JADE3: variants seen among roughly 807,000 people sequenced by gnomAD.
JADE3 encodes the protein protein Jade-3.
Under a neutral mutation model 50.1 loss-of-function variants are expected in JADE3, and 2 were observed. That is an observed-to-expected ratio of 0.04 (90% CI 0.02 to 0.13). JADE3 has a LOEUF of 0.13. JADE3 is among the 10% of genes least tolerant of loss of function. The pLI is 1.00. For missense variants in JADE3, 475 were observed against 634.4 expected, an observed-to-expected ratio of 0.75 and a Z score of 2.70; for synonymous variants, 218 against 232.9, an observed-to-expected ratio of 0.94 and a Z score of 0.58.
At chrX:46,982,275 A>G (rs1230094191) in intron 1 of JADE3, among the ~76,000 whole-genome samples, 1 of 110,974 alleles carries the variant, frequency 9.0e-6, no homozygotes, top group Non-Finnish European at 1.9e-5. Context: ...TTTTCATTTC[A>G]ATTGTGCTTT....
At chrX:46,938,032 T>C (rs1389344552) in intron 1 of JADE3, among the ~76,000 whole-genome samples, 4 of 111,760 alleles carry the variant, frequency 3.6e-5, no homozygotes, top group African/African-American at 6.5e-5. Flanking sequence ...TTGCATCACA[T>C]ATCTTTTTCC....
At chrX:46,950,350 G>T (rs1193204761) in intron 1 of JADE3, among the ~76,000 whole-genome samples, 1 of 112,315 alleles carries the variant, frequency 8.9e-6, no homozygotes, top group African/African-American at 3.2e-5. Flanking sequence ...TTCTGCCATT[G>T]TAGATGTGGA....
At chrX:46,958,301 A>G (rs73201906) in intron 1 of JADE3, among the ~76,000 whole-genome samples, 27,143 of 111,600 alleles carry the variant, frequency 0.24, 3,104 homozygotes, top group Middle Eastern at 0.39. Flanking sequence ...GTGACTTTAC[A>G]TATGTTCTAG....
chrX:46,994,744 T>G (rs868920036), intron 3 of JADE3, among the ~76,000 whole-genome samples: 25 of 111,881 alleles, frequency 2.2e-4, no homozygotes, highest in African/African-American at 8.1e-4. Context: ...AGAGAAGAAC[T>G]CAGTTATATA....
chrX:47,021,956 C>CTA (rs1261291160), intron 4 of JADE3, among the ~76,000 whole-genome samples: 1 of 112,016 alleles, frequency 8.9e-6, no homozygotes, highest in Non-Finnish European at 1.9e-5. Flanking sequence ...CAGTCTCTTC[C>CTA]TTTATGGTTA....
At chrX:46,950,229 A>T (rs782171539) in intron 1 of JADE3, among the ~76,000 whole-genome samples, 1 of 112,408 alleles carries the variant, frequency 8.9e-6, no homozygotes, top group South Asian at 3.7e-4. Flanking sequence ...TTGTGCAACC[A>T]TCTCCATAAC....
rs149918003 is a variant in JADE3, at chrX:46,986,242, A to G, written c.126+450A>G. Among the ~76,000 whole-genome samples the G allele has an allele frequency of 2.6e-3, 288 of 112,286 alleles. 1 individual carries two copies. The highest frequency in any genetic ancestry group is 8.8e-3 in the African/African-American group (271 of 30,914). ...TAGCAATACTAAATAAACTAAGACA[A>G]CTTTTAAAAATATAAATGTCTGCCT... On this transcript the variant is annotated intron_variant, in intron 3 of 10. Transcript: ENST00000614628.
At chrX:46,977,536 A>G (rs782070883) in intron 1 of JADE3, among the ~76,000 whole-genome samples, 1 of 112,411 alleles carries the variant, frequency 8.9e-6, no homozygotes, top group Non-Finnish European at 1.9e-5. Context: ...TAGGTATACA[A>G]TATAGTATTG....
At chrX:46,983,600 A>T (rs1451006216) in intron 1 of JADE3, among the ~76,000 whole-genome samples, 1 of 111,494 alleles carries the variant, frequency 9.0e-6, no homozygotes, top group African/African-American at 3.3e-5. Context: ...GAGCTGGGGT[A>T]GAAGGAACCC....
chrX:47,023,765 G>C (rs782115410), intron 4 of JADE3, among the ~76,000 whole-genome samples: 2 of 111,875 alleles, frequency 1.8e-5, no homozygotes, highest in South Asian at 3.8e-4. Flanking sequence ...AAATTAGCTG[G>C]GCGTGGTGGC....
At chrX:46,974,404 CA>C (rs1267918121) in intron 1 of JADE3, among the ~76,000 whole-genome samples, 10 of 100,294 alleles carry the variant, frequency 1.0e-4, no homozygotes, top group East Asian at 3.0e-4. Context: ...GACTCTGTCT[CA>C]AAAAAAAAAA....
intron 1 of JADE3, among the ~76,000 whole-genome samples, chrX:46,983,165 G>A (rs138403650): frequency 7.9e-4 from 89 of 112,223 alleles, no homozygotes; most frequent in African/African-American, 2.8e-3. Flanking sequence ...ATATTAGGCA[G>A]CCTAGGCTTG....
At chrX:46,921,145 T>G (rs1926212078) in intron 1 of JADE3, among the ~76,000 whole-genome samples, 1 of 111,944 alleles carries the variant, frequency 8.9e-6, no homozygotes, top group Non-Finnish European at 1.9e-5. Context: ...GGCCCCATCA[T>G]AGCTCACTGC....
intron 1 of JADE3, among the ~76,000 whole-genome samples, chrX:46,950,639 T>C (rs1177895803): frequency 8.9e-6 from 1 of 112,059 alleles, no homozygotes; most frequent in African/African-American, 3.2e-5. Context: ...TTTTCATTTC[T>C]CTTGGGTAGA....
intron 4 of JADE3, among the ~76,000 whole-genome samples, chrX:47,008,853 T>C (rs1296128334): frequency 5.4e-5 from 6 of 111,381 alleles, no homozygotes; most frequent in Admixed American, 2.9e-4. Context: ...TACAAATGTA[T>C]GTAGATGTGT....
At chrX:47,056,378 A>C (rs782541042) in intron 10 of JADE3, among the ~76,000 whole-genome samples, 179 bp downstream of exon 10, 1 of 111,924 alleles carries the variant, frequency 8.9e-6, no homozygotes, top group African/African-American at 3.2e-5. Context: ...TCAGTTCATA[A>C]GGCAAGAAAT....
chrX:46,974,709 G>A (rs2091741950), intron 1 of JADE3, among the ~76,000 whole-genome samples: 1 of 112,328 alleles, frequency 8.9e-6, no homozygotes, highest in African/African-American at 3.2e-5. Flanking sequence ...AGTTCCCTAA[G>A]CATGGCTGAA....
chrX:46,959,134 G>T (rs1387878375), intron 1 of JADE3, among the ~76,000 whole-genome samples: 5 of 112,261 alleles, frequency 4.5e-5, no homozygotes, highest in Non-Finnish European at 7.5e-5. Context: ...CAGAAAGAGG[G>T]TTTACTGGTA....
At chrX:47,018,180 C>T (rs1457386338) in intron 4 of JADE3, among the ~76,000 whole-genome samples, 1 of 110,815 alleles carries the variant, frequency 9.0e-6, no homozygotes, top group Non-Finnish European at 1.9e-5. Flanking sequence ...GTCATCTAGG[C>T]CCCTCCCATC....
Sources: gnomAD v4.1 joint callset for allele counts (sites outside exome capture counted in the v4.1 genomes callset) on GRCh38, gnomAD v4.1.1 for gene constraint, MANE v1.5 for transcripts, NCBI Gene and HGNC (gene_info 2026-07-23, HGNC 2026-07-21) for gene names.